The following EP300 variants were observed in gnomAD, a reference collection of about 807,000 sequenced individuals.
EP300 encodes EP300 lysine acetyltransferase.
A neutral mutation model predicts 264.0 loss-of-function variants in EP300; 31 were observed. The observed-to-expected ratio is 0.12, with a 90% CI of 0.09 to 0.16. EP300 has a LOEUF of 0.16. EP300 is among the 10% of genes least tolerant of loss of function. The pLI is 1.00. For missense variants in EP300, 2,766 were observed against 3,052.9 expected (o/e 0.91, Z 2.21); for synonymous variants, 1,340 against 1,045.4 (o/e 1.28, Z -5.44).
chr22:41,157,712 G>C (rs544165864), intron 18 of EP300, among the ~76,000 whole-genome samples: 69 of 151,706 alleles, frequency 4.5e-4, no homozygotes, highest in Non-Finnish European at 8.4e-4. Flanking sequence ...GTAGAAACAG[G>C]GTCTCATGAT....
chr22:41,160,827 C>T (rs2059104125), intron 20 of EP300, 105 bp downstream of exon 20: 3 of 1,021,650 alleles, frequency 2.9e-6, no homozygotes, highest in Non-Finnish European at 4.6e-6. Flanking sequence ...AATATGGTAG[C>T]CATTAGCCAC....
At chr22:41,093,164 C>T in intron 1 of EP300, 66 bp downstream of exon 1, 2 of 1,506,206 alleles carry the variant, frequency 1.3e-6, no homozygotes, top group Non-Finnish European at 1.8e-6. Flanking sequence ...CGCCTTTATT[C>T]TTCCATTTTT....
intron 1 of EP300, among the ~76,000 whole-genome samples, chr22:41,112,221 G>T (rs542854264): frequency 4.0e-4 from 57 of 143,794 alleles, no homozygotes; most frequent in African/African-American, 1.5e-3. Context: ...AGACAGTCTC[G>T]CTCTGTCACC....
At chr22:41,136,298 G>T (rs1011309102) in intron 7 of EP300, among the ~76,000 whole-genome samples, 6 of 152,178 alleles carry the variant, frequency 3.9e-5, no homozygotes, top group African/African-American at 1.4e-4. Flanking sequence ...TGCTGGGATT[G>T]CAGGCGTGAG....
intron 20 of EP300, among the ~76,000 whole-genome samples, chr22:41,161,451 A>G (rs184875377): frequency 7.2e-5 from 11 of 152,204 alleles, no homozygotes; most frequent in African/African-American, 2.4e-4. Context: ...CCCTGTCTCT[A>G]CTAAAAATAC....
At chr22:41,105,299 C>T (rs1457188691) in intron 1 of EP300, among the ~76,000 whole-genome samples, 1 of 146,942 alleles carries the variant, frequency 6.8e-6, no homozygotes, top group Admixed American at 6.9e-5. Flanking sequence ...ACCCGGGAGG[C>T]GGAGGTTGCC....
At chr22:41,152,579 C>T (rs925719259) in intron 16 of EP300, among the ~76,000 whole-genome samples, 2 of 151,252 alleles carry the variant, frequency 1.3e-5, no homozygotes, top group African/African-American at 2.4e-5. Flanking sequence ...CTCATTTCTT[C>T]AGGGTTCCCT....
intron 2 of EP300, among the ~76,000 whole-genome samples, chr22:41,121,894 A>G (rs971105540): frequency 6.6e-6 from 1 of 152,158 alleles, no homozygotes; most frequent in Non-Finnish European, 1.5e-5. Flanking sequence ...TGACTTTCAT[A>G]CTATATCTAT....
rs963688747 is a variant in EP300 at position 41,179,613 on chromosome 22, C to T, written c.*657C>T. The T allele has an allele frequency of 5.0e-5, 11 of 218,162 alleles. No homozygotes were observed. Among genetic ancestry groups the T allele is most frequent in the Non-Finnish European group, 7.3e-5 (8 of 109,892 alleles). 13.5% of individuals were successfully genotyped at this position (218,162 alleles called of 1,614,324 possible). ...AAATTTTCTATTCTGTAAGTCTGAG[C>T]GTAAAACTTCAAGTATTAAAATAAT... is the stretch of plus-strand genomic sequence containing the variant. On this transcript the variant is annotated 3_prime_UTR_variant, in exon 31 of 31. Transcript: ENST00000263253.
intron 27 of EP300, 26 bp from the exon 28 acceptor site, chr22:41,172,473 C>CT (rs1055911571): frequency 1.9e-6 from 3 of 1,577,938 alleles, no homozygotes; most frequent in Admixed American, 1.7e-5. Context: ...ATAGAAATTC[C>CT]TATATGTACA....
At position 41,178,666 on chromosome 22, in the gene EP300, C is replaced by A. The variant is rs746562282; in HGVS notation, c.6955C>A (p.Gln2319Lys). The A allele has an allele frequency of 6.2e-7, 1 of 1,614,208 alleles. No homozygotes were observed. Among genetic ancestry groups the A allele is most frequent in the Non-Finnish European group, 8.5e-7 (1 of 1,180,032 alleles). ...CCAGCCTGTCCCTTCTCCACGGCCA[C>A]AGTCCCAGCCCCCCCACTCCAGTCC... ...SPQPVPSPRP[Q>K]SQPPHSSPSP... The change falls in exon 31 of 31, where the codon CAG (glutamine) becomes AAG (lysine). Residue 2319 changes from glutamine (Q) to lysine (K), a missense_variant. By Grantham distance (53) the Gln-to-Lys change is moderately conservative (BLOSUM62 1). Transcript: ENST00000263253.
At chr22:41,153,540 A>G (rs976724577) in intron 16 of EP300, among the ~76,000 whole-genome samples, 1 of 152,134 alleles carries the variant, frequency 6.6e-6, no homozygotes, top group Non-Finnish European at 1.5e-5. Flanking sequence ...ACTTGAGGTC[A>G]GGAGTTCAAG....
At chr22:41,146,085 T>C (rs1255031183) in intron 10 of EP300, among the ~76,000 whole-genome samples, 1 of 152,030 alleles carries the variant, frequency 6.6e-6, no homozygotes, top group Non-Finnish European at 1.5e-5. Context: ...ATAGCTATTA[T>C]CCATGGAGAT....
chr22:41,178,293 A>G lies in EP300; in HGVS notation c.6582A>G (p.Gln2194=), dbSNP rs761195313. 23 of 1,614,036 alleles carry G rather than the reference A, an allele frequency of 1.4e-5. No homozygotes were observed. In the East Asian group the frequency reaches 2.7e-4, roughly 19 times the overall value. The change falls in exon 31 of 31, where the codon CAA becomes CAG. Residue 2194 remains glutamine, a synonymous_variant. Transcript: ENST00000263253. ...AGCAAATGATGCAACAGCAGCAGCA[A>G]CAGGGAGCAGGGCCAGGAATAGGCC... ...RRQQMMQQQQ[Q]QGAGPGIGPG...
intron 1 of EP300, among the ~76,000 whole-genome samples, chr22:41,097,953 C>G (rs1192359531): frequency 2.0e-5 from 3 of 151,690 alleles, no homozygotes; most frequent in Non-Finnish European, 2.9e-5. Context: ...CTCTGCCTCC[C>G]AAAGTGCTGG....
chr22:41,142,810 C>T (rs926206466), intron 10 of EP300, among the ~76,000 whole-genome samples: 6 of 151,816 alleles, frequency 4.0e-5, no homozygotes, highest in African/African-American at 4.8e-5. Context: ...AGTGTGAACC[C>T]GGGAGGCGGA....
chr22:41,148,918 T>G (rs2059027085), intron 12 of EP300, 120 bp from the exon 13 acceptor site: 1 of 1,357,700 alleles, frequency 7.4e-7, no homozygotes, highest in Non-Finnish European at 1.0e-6. Flanking sequence ...TCACCTATAC[T>G]CCTGTCTTTG....
intron 1 of EP300, among the ~76,000 whole-genome samples, chr22:41,102,531 A>T (rs1453858665): frequency 6.6e-6 from 1 of 152,204 alleles, no homozygotes; most frequent in Non-Finnish European, 1.5e-5. Context: ...GGGGCCAATC[A>T]TGGAGGGCTT....
In EP300 at chr22:41,178,229, A is replaced by C. The variant is rs1555912302; in HGVS notation, c.6518A>C (p.Asn2173Thr). 8 of 1,613,876 alleles carry C rather than the reference A, an allele frequency of 5.0e-6. No individual in the cohort carries two copies. In the Admixed American group the frequency reaches 5.0e-5, roughly 10 times the overall value. ...PQAQQMNMNH[N>T]TMPSQFRDIL... ...GCTCAGCAGATGAACATGAACCACA[A>C]CACCATGCCTTCACAATTCCGAGAC... Residue 2173 changes from asparagine (N) to threonine (T), a missense_variant, in exon 31 of 31, where the codon AAC becomes ACC. Physicochemically the swap from Asn to Thr is moderately conservative, Grantham distance 65 (BLOSUM62 0). Coordinates refer to ENST00000263253, the MANE Select transcript of EP300 (RefSeq NM_001429.4).
Sources: allele counts gnomAD v4.1 joint callset (sites outside exome capture counted in the v4.1 genomes callset), GRCh38; gene constraint gnomAD v4.1.1; transcripts MANE v1.5; gene names NCBI Gene and HGNC (gene_info 2026-07-23, HGNC 2026-07-21).